RBFOX1: variants seen among roughly 807,000 people sequenced by gnomAD.
The protein encoded by RBFOX1 is RNA binding fox-1 homolog 1.
In RBFOX1, 8 loss-of-function variants were observed where a neutral mutation model predicts 57.7. The observed-to-expected ratio is 0.14, with a 90% CI of 0.08 to 0.25. The LOEUF (loss-of-function observed/expected upper bound fraction) is 0.25. Among genes scored for constraint, RBFOX1 ranks in the 10% least tolerant of loss-of-function variants. The pLI is 1.00. For synonymous variants in RBFOX1, 326 were observed against 222.4 expected, an observed-to-expected ratio of 1.47 and a Z score of -4.15; for missense variants, 611 against 548.5, an observed-to-expected ratio of 1.11 and a Z score of -1.14.
At chr16:6,443,009 T>G (rs1349307421) in intron 2 of RBFOX1, among the ~76,000 whole-genome samples, 1 of 152,234 alleles carries the variant, frequency 6.6e-6, no homozygotes, top group East Asian at 1.9e-4. Flanking sequence ...GAATCTGTAC[T>G]TGGAGCCAGG....
chr16:6,901,751 C>G (rs4786948), intron 3 of RBFOX1, among the ~76,000 whole-genome samples: 69,171 of 151,944 alleles, frequency 0.46, 16,673 homozygotes, highest in East Asian at 0.65. Flanking sequence ...TGCTTCAGAC[C>G]CAGTAGAGAT....
chr16:7,563,700 C>G lies in RBFOX1; in HGVS notation c.271-16077C>G, dbSNP rs189910052. On this transcript the variant is annotated intron_variant, in intron 5 of 15. Coordinates refer to ENST00000550418, the MANE Select transcript of RBFOX1 (RefSeq NM_018723.4). ...GGCCAGACTGGTCTCCAACTCCTGA[C>G]CTCGTGATCCACCCACCTCGGCCTC... Among the ~76,000 whole-genome samples the G allele has an allele frequency of 6.1e-3, 927 of 152,222 alleles. 13 individuals carry two copies. Among genetic ancestry groups the G allele is most frequent in the African/African-American group, 0.021 (876 of 41,536 alleles).
rs144551433 is a variant in RBFOX1, at chr16:6,458,609, C to T, written c.-64+141552C>T. ...CAAGAGAATAACTGACATCCAGTAT[C>T]GTTTCCTAAGTTGATCAAACTCTTC... On this transcript the variant is annotated intron_variant, in intron 2 of 15. Coordinates refer to ENST00000550418, the MANE Select transcript of RBFOX1 (RefSeq NM_018723.4). 8.4e-3 allele frequency among the ~76,000 whole-genome samples: 1,274 copies of T among 152,270 alleles called. 11 individuals carry two copies. Among genetic ancestry groups the T allele is most frequent in the African/African-American group, 0.028 (1,173 of 41,548 alleles).
chr16:6,171,153 C>T (rs1490191140), intron 1 of RBFOX1, among the ~76,000 whole-genome samples: 1 of 152,138 alleles, frequency 6.6e-6, no homozygotes, highest in Non-Finnish European at 1.5e-5. Context: ...TTAGGTAGAG[C>T]TTGTCAGGAT....
intron 4 of RBFOX1, chr16:7,126,463 C>G (rs1031297224): frequency 4.4e-6 from 1 of 228,520 alleles, no homozygotes; most frequent in Non-Finnish European, 9.1e-6. Flanking sequence ...ACAAAGGCAT[C>G]GAAGACGCTT....
intron 3 of RBFOX1, among the ~76,000 whole-genome samples, chr16:5,836,238 G>A (rs77932113): frequency 0.058 from 8,770 of 152,204 alleles, 766 homozygotes; most frequent in African/African-American, 0.19. Flanking sequence ...ACTAGCAGGA[G>A]AGAAACCTAA....
intron 4 of RBFOX1, among the ~76,000 whole-genome samples, chr16:5,970,160 C>A (rs1007996749): frequency 6.6e-6 from 1 of 152,096 alleles, no homozygotes; most frequent in African/African-American, 2.4e-5. Context: ...AGGAGGGTAG[C>A]ACAGGAGTCT....
intron 4 of RBFOX1, among the ~76,000 whole-genome samples, chr16:7,054,737 C>T (rs1266910481): frequency 6.6e-6 from 1 of 152,150 alleles, no homozygotes; most frequent in Non-Finnish European, 1.5e-5. Flanking sequence ...AAAATGTGTC[C>T]TAAGTGCAGC....
At chr16:6,449,671 A>C (rs1031018397) in intron 2 of RBFOX1, among the ~76,000 whole-genome samples, 1 of 152,198 alleles carries the variant, frequency 6.6e-6, no homozygotes, top group East Asian at 1.9e-4. Context: ...ACACTGGGGT[A>C]AATCTCTAAC....
intron 5 of RBFOX1, among the ~76,000 whole-genome samples, chr16:7,523,968 A>G (rs926259114): frequency 1.2e-4 from 19 of 152,186 alleles, no homozygotes; most frequent in Admixed American, 3.3e-4. Context: ...GTGGGTCAGA[A>G]CTATGGTTCT....
chr16:6,098,339 C>G (rs941600536), intron 1 of RBFOX1, among the ~76,000 whole-genome samples: 2 of 152,194 alleles, frequency 1.3e-5, no homozygotes, highest in Non-Finnish European at 2.9e-5. Flanking sequence ...CCACAAACCC[C>G]TCTCCTCTGG....
At chr16:7,595,916 T>C (rs1490801664) in intron 8 of RBFOX1, among the ~76,000 whole-genome samples, 1 of 151,366 alleles carries the variant, frequency 6.6e-6, no homozygotes, top group African/African-American at 2.4e-5. Context: ...GTTGTTATTT[T>C]CCATGTTTTA....
intron 14 of RBFOX1, among the ~76,000 whole-genome samples, chr16:7,690,573 C>T (rs116584440): frequency 9.6e-4 from 146 of 152,262 alleles, no homozygotes; most frequent in Middle Eastern, 6.8e-3. Flanking sequence ...AAGCAGCACA[C>T]TAGGGTTTGC....
At chr16:5,324,779 GA>G (rs1289626742) in intron 1 of RBFOX1, among the ~76,000 whole-genome samples, 1 of 152,164 alleles carries the variant, frequency 6.6e-6, no homozygotes, top group Non-Finnish European at 1.5e-5. Context: ...ACATAGAGGG[GA>G]ACAACTGACA....
chr16:6,714,042 C>G (rs538496394), intron 3 of RBFOX1, among the ~76,000 whole-genome samples: 3 of 152,188 alleles, frequency 2.0e-5, no homozygotes, highest in Admixed American at 2.0e-4. Context: ...GAAGAGAAGT[C>G]ATTGGATTGT....
chr16:6,664,017 A>G (rs2098717070), intron 3 of RBFOX1, among the ~76,000 whole-genome samples: 1 of 152,162 alleles, frequency 6.6e-6, no homozygotes, highest in Non-Finnish European at 1.5e-5. Flanking sequence ...ATAGAATGAA[A>G]TCTGTGTCAC....
chr16:5,343,779 T>A (rs1167312683), intron 1 of RBFOX1, among the ~76,000 whole-genome samples: 3 of 152,218 alleles, frequency 2.0e-5, no homozygotes, highest in African/African-American at 7.2e-5. Flanking sequence ...CTTAGAACTT[T>A]TTGAATAAGG....
chr16:5,717,427 T>C (rs1304459567), intron 3 of RBFOX1, among the ~76,000 whole-genome samples: 1 of 152,152 alleles, frequency 6.6e-6, no homozygotes, highest in African/African-American at 2.4e-5. Context: ...TTAATGGTAA[T>C]TTCTGAGATT....
intron 4 of RBFOX1, among the ~76,000 whole-genome samples, chr16:7,077,674 A>G (rs1440735613): frequency 1.3e-5 from 2 of 152,164 alleles, no homozygotes; most frequent in Non-Finnish European, 2.9e-5. Context: ...GTGACTTTAA[A>G]ATGTTTTTAA....
Sources: allele counts gnomAD v4.1 joint callset (sites outside exome capture counted in the v4.1 genomes callset), GRCh38; gene constraint gnomAD v4.1.1; transcripts MANE v1.5; gene names NCBI Gene and HGNC (gene_info 2026-07-23, HGNC 2026-07-21).